MDGA2: variants seen among roughly 807,000 people sequenced by gnomAD.
MDGA2 encodes the protein MAM domain-containing glycosylphosphatidylinositol anchor protein 2.
Under a neutral mutation model 117.8 loss-of-function variants are expected in MDGA2, and 40 were observed. That is an observed-to-expected ratio of 0.34 (90% CI 0.26 to 0.44). The LOEUF (loss-of-function observed/expected upper bound fraction) is 0.44, where lower values mean the gene tolerates loss of function less well. Among genes scored for constraint, MDGA2 ranks in the 20% least tolerant of loss-of-function variants. The probability of loss-of-function intolerance (pLI) is 1.00; values close to 1 mark genes in which losing one functional copy is unlikely to be tolerated. For missense variants in MDGA2, 1,123 were observed against 1,250.6 expected (o/e 0.90, Z 1.54); for synonymous variants, 452 against 439.0 (o/e 1.03, Z -0.37).
chr14:47,461,235 T>A (rs1158581506), intron 1 of MDGA2, among the ~76,000 whole-genome samples: 2 of 148,972 alleles, frequency 1.3e-5, no homozygotes. Flanking sequence ...TTAAATACTC[T>A]CATCATTCCA....
chr14:47,262,123 C>G (rs1475026595), intron 2 of MDGA2, among the ~76,000 whole-genome samples: 7 of 152,132 alleles, frequency 4.6e-5, no homozygotes, highest in Non-Finnish European at 1.0e-4. Flanking sequence ...GATCAGAGAG[C>G]TGACACTCAG....
intron 14 of MDGA2, chr14:46,871,874 A>C: frequency 2.6e-6 from 1 of 380,610 alleles, no homozygotes; most frequent in Non-Finnish European, 5.5e-6. Flanking sequence ...CTGGCTGGGC[A>C]CAATGACTCA....
chr14:47,548,690 T>A (rs1224859055), intron 1 of MDGA2, among the ~76,000 whole-genome samples: 1 of 152,114 alleles, frequency 6.6e-6, no homozygotes, highest in Admixed American at 6.6e-5. Context: ...AGCCTCGAGA[T>A]CAGTCAAGGG....
intron 8 of MDGA2, among the ~76,000 whole-genome samples, chr14:46,968,534 A>T (rs1031746513): frequency 6.6e-6 from 1 of 152,220 alleles, no homozygotes; most frequent in South Asian, 2.1e-4. Flanking sequence ...GACTTCATTT[A>T]AAAAATTCCT....
chr14:47,231,296 C>A (rs1288962439), intron 2 of MDGA2, among the ~76,000 whole-genome samples: 14 of 151,974 alleles, frequency 9.2e-5, no homozygotes. Context: ...GTCACATTAA[C>A]TAAGTACTAG....
intron 8 of MDGA2, among the ~76,000 whole-genome samples, chr14:46,963,727 A>G (rs1885902044): frequency 6.6e-6 from 1 of 151,990 alleles, no homozygotes. Flanking sequence ...CATTGCATAT[A>G]TTTTCTGCAT....
At chr14:47,028,644 G>C (rs1888557837) in intron 8 of MDGA2, among the ~76,000 whole-genome samples, 1 of 152,126 alleles carries the variant, frequency 6.6e-6, no homozygotes. Flanking sequence ...TTGCGACTTA[G>C]CTAGGACTTA....
At chr14:47,341,286 A>T (rs1036362782) in intron 1 of MDGA2, among the ~76,000 whole-genome samples, 1 of 152,230 alleles carries the variant, frequency 6.6e-6, no homozygotes, top group Non-Finnish European at 1.5e-5. Context: ...AATATTCGCC[A>T]TAAGAAAATC....
chr14:47,137,214 C>T (rs1882499239), intron 4 of MDGA2, among the ~76,000 whole-genome samples: 1 of 152,102 alleles, frequency 6.6e-6, no homozygotes, highest in Non-Finnish European at 1.5e-5. Flanking sequence ...TCTTTAAAGA[C>T]CTACAAGTGT....
At chr14:47,649,200 G>C (rs779486507) in intron 1 of MDGA2, among the ~76,000 whole-genome samples, 1 of 152,036 alleles carries the variant, frequency 6.6e-6, no homozygotes, top group Non-Finnish European at 1.5e-5. Context: ...ATAAATGAGG[G>C]AGTAAATTGC....
chr14:47,504,890 C>T (rs1009222988), intron 1 of MDGA2, among the ~76,000 whole-genome samples: 1 of 152,098 alleles, frequency 6.6e-6, no homozygotes, highest in African/African-American at 2.4e-5. Flanking sequence ...GAGATAACCA[C>T]ACTCCCATGG....
chr14:47,238,272 G>C (rs544016008), intron 2 of MDGA2, among the ~76,000 whole-genome samples: 1 of 152,250 alleles, frequency 6.6e-6, no homozygotes, highest in East Asian at 1.9e-4. Context: ...ATATGAATTT[G>C]TGTATTACCT....
chr14:47,398,940 G>C (rs1892074494), intron 1 of MDGA2, among the ~76,000 whole-genome samples: 1 of 152,066 alleles, frequency 6.6e-6, no homozygotes, highest in African/African-American at 2.4e-5. Flanking sequence ...ATACACAACT[G>C]TATCTACCTG....
intron 1 of MDGA2, among the ~76,000 whole-genome samples, chr14:47,449,103 G>A: frequency 6.6e-6 from 1 of 152,256 alleles, no homozygotes; most frequent in South Asian, 2.1e-4. Context: ...TGAACAGCCA[G>A]GACTCATTAA....
intron 6 of MDGA2, among the ~76,000 whole-genome samples, chr14:47,066,907 A>C (rs1442462298): frequency 6.6e-6 from 1 of 152,174 alleles, no homozygotes; most frequent in East Asian, 1.9e-4. Flanking sequence ...TGAGGTCAGG[A>C]TTTCAAAACC....
chr14:47,046,434 A>C (rs928673494), intron 7 of MDGA2, among the ~76,000 whole-genome samples: 4 of 151,752 alleles, frequency 2.6e-5, no homozygotes, highest in African/African-American at 9.7e-5. Context: ...GGGGAACATC[A>C]CATACCAGGG....
chr14:46,886,056 T>C (rs1882662137), intron 10 of MDGA2, among the ~76,000 whole-genome samples: 6 of 152,130 alleles, frequency 3.9e-5, no homozygotes, highest in Admixed American at 3.9e-4. Context: ...GGGCAACTGG[T>C]GCCTCTGGGC....
At chr14:47,526,967 T>TA (rs1894985055) in intron 1 of MDGA2, among the ~76,000 whole-genome samples, 1 of 152,220 alleles carries the variant, frequency 6.6e-6, no homozygotes, top group South Asian at 2.1e-4. Context: ...AAGATTTTGG[T>TA]ATGTCATTTT....
At chr14:46,870,988 A>G (rs958725153) in intron 14 of MDGA2, 1 of 151,982 alleles carries the variant, frequency 6.6e-6, no homozygotes, top group African/African-American at 2.4e-5. Context: ...ATGTGATCCA[A>G]TGTAAATTGG....
Sources: gnomAD v4.1 joint callset for allele counts (sites outside exome capture counted in the v4.1 genomes callset) on GRCh38, gnomAD v4.1.1 for gene constraint, MANE v1.5 for transcripts, NCBI Gene and HGNC (gene_info 2026-07-23, HGNC 2026-07-21) for gene names.